SALL3: variants seen among roughly 807,000 people sequenced by gnomAD.
SALL3 encodes the protein sal-like protein 3.
In SALL3, 25 loss-of-function variants were observed where a neutral mutation model predicts 66.2. That is an observed-to-expected ratio of 0.38 (90% confidence interval 0.28 to 0.53). SALL3 has a LOEUF of 0.53. Ranked by LOEUF, SALL3 falls within the 20% of genes least tolerant of loss-of-function variation. SALL3 has a pLI of 0.85. For missense variants in SALL3, 2,194 were observed against 1,916.5 expected (o/e 1.14, Z -2.70); for synonymous variants, 1,152 against 899.1 (o/e 1.28, Z -5.03).
rs886691364 is a variant in SALL3 at position 78,992,753 on chromosome 18, C to A, written c.762C>A (p.Ala254=). ...PAAAPSAPGP[A]PSQLPGLAAL... The stretch of plus-strand genomic sequence containing the variant: ...CCGCCCCGAGCGCACCGGGCCCGGC[C>A]CCCAGCCAGCTGCCCGGGCTGGCCG... Residue 254 remains alanine (A), a synonymous_variant, in exon 2 of 3, where the codon GCC becomes GCA. Transcript: ENST00000537592. 26 of 1,141,236 alleles carry A rather than the reference C, an allele frequency of 2.3e-5. No individual in the cohort carries two copies. The African/African-American group carries it at 3.7e-4, about 16-fold the overall frequency. 70.7% of individuals were successfully genotyped at this position (1,141,236 alleles called of 1,614,324 possible).
chr18:78,994,442 C>T lies in SALL3; in HGVS notation c.2451C>T (p.Asp817=). ...DDAELKDAAT[D]PAKPLLSYAG... is the part of the protein sequence containing the mutation. ...CTGAGCTGAAGGACGCGGCCACCGA[C>T]CCGGCCAAGCCACTCCTGTCCTACG... Residue 817 remains aspartate, a synonymous_variant, in exon 2 of 3, where the codon GAC becomes GAT. Transcript: ENST00000537592. The T allele has an allele frequency of 6.2e-7, 1 of 1,612,388 alleles. No individual in the cohort carries two copies. Among genetic ancestry groups the T allele is most frequent in the Non-Finnish European group, 8.5e-7 (1 of 1,179,892 alleles).
At chr18:78,995,577 G>A in intron 2 of SALL3, 115 bp downstream of exon 2, 1 of 1,426,666 alleles carries the variant, frequency 7.0e-7, no homozygotes, top group Non-Finnish European at 9.2e-7. Context: ...TGGCCAGGGG[G>A]GTGAGATGCC....
At position 78,994,985 on chromosome 18, in the gene SALL3, C is replaced by T; in HGVS notation, c.2994C>T (p.Ser998=). ...GCGCGTTGGAAATCCACTACCGCAG[C>T]CATACTAAGGAGCGGCCATTCGTCT... is the stretch of plus-strand genomic sequence containing the variant. The part of the protein sequence containing the change: ...CKSALEIHYR[S]HTKERPFVCA... Residue 998 remains serine (S), a synonymous_variant, in exon 2 of 3, where the codon AGC becomes AGT. Coordinates refer to ENST00000537592, the MANE Select transcript of SALL3 (RefSeq NM_171999.4). 6.2e-7 allele frequency: 1 copy of T among 1,613,860 alleles called. No homozygotes were observed. The highest frequency in any genetic ancestry group is 8.5e-7 in the Non-Finnish European group (1 of 1,180,018).
intron 1 of SALL3, among the ~76,000 whole-genome samples, chr18:78,986,097 C>T (rs1914236906): frequency 6.6e-6 from 1 of 152,210 alleles, no homozygotes; most frequent in African/African-American, 2.4e-5. Context: ...TAACAAACGT[C>T]TTATTATTTG....
intron 1 of SALL3, among the ~76,000 whole-genome samples, chr18:78,986,142 C>A (rs889526939): frequency 5.3e-5 from 8 of 152,196 alleles, no homozygotes; most frequent in Non-Finnish European, 1.2e-4. Flanking sequence ...AAAGCAAATG[C>A]GAGTGCTGTC....
intron 1 of SALL3, among the ~76,000 whole-genome samples, chr18:78,980,985 G>C (rs1235134565): frequency 1.3e-5 from 2 of 152,200 alleles, no homozygotes; most frequent in Non-Finnish European, 2.9e-5. Flanking sequence ...GCCTGGGCCT[G>C]GCCCCTGCTC....
rs753368702 is a variant in SALL3 at position 78,994,786 on chromosome 18, C to T, written c.2795C>T (p.Pro932Leu). Residue 932 changes from proline (P) to leucine (L), a missense_variant, in exon 2 of 3, where the codon CCG becomes CTG. Transcript: ENST00000537592. ...LGAPEEPQEI[P>L]LKTERPDSPA... ...GCCCCGGAGGAGCCCCAGGAAATCC[C>T]GCTCAAGACCGAGAGGCCGGACAGC... 1.3e-6 allele frequency: 2 copies of T among 1,597,288 alleles called. No homozygotes were observed. The highest frequency in any genetic ancestry group is 1.7e-5 in the Admixed American group (1 of 58,722).
At position 78,980,191 on chromosome 18, in the gene SALL3, G is replaced by A; in HGVS notation, c.-84G>A. The A allele has an allele frequency of 1.9e-6, 1 of 522,170 alleles. No individual in the cohort carries two copies. The highest frequency in any genetic ancestry group is 2.4e-6 in the Non-Finnish European group (1 of 410,394). 32.3% of individuals were successfully genotyped at this position (522,170 alleles called of 1,614,324 possible). A position where few individuals can be genotyped will look rare whatever the true frequency, so the allele number is the denominator to read the frequency against. ...CGCCGCCCCGCGCCCCGCGCCGCGC[G>A]CCCGCCAGGCCGCCCCGCGCCGTCC... On this transcript the variant is annotated 5_prime_UTR_variant, in exon 1 of 3. Transcript: ENST00000537592.
At chr18:78,985,122 C>T (rs141538473) in intron 1 of SALL3, 1 of 152,260 alleles carries the variant, frequency 6.6e-6, no homozygotes, top group Admixed American at 6.5e-5. Flanking sequence ...CCTTTGCCTG[C>T]TTTGCCCTGC....
Position 78,994,914 on chromosome 18 carries a change from C to T in SALL3, c.2923C>T (p.Pro975Ser). The change falls in exon 2 of 3, where the codon CCC (proline) becomes TCC (serine). Residue 975 changes from proline to serine, a missense_variant. By Grantham distance (74) the Pro-to-Ser change is moderately conservative (BLOSUM62 -1). Coordinates refer to ENST00000537592, the MANE Select transcript of SALL3 (RefSeq NM_171999.4). ...LFLSRERGKC[P>S]STVCGVCGKP... ...CCTGAGCAGGGAGCGGGGTAAGTGT[C>T]CCAGCACTGTGTGTGGTGTCTGTGG... 2 of 1,613,328 alleles carry T rather than the reference C, an allele frequency of 1.2e-6. No homozygotes were observed. Among genetic ancestry groups the T allele is most frequent in the South Asian group, 2.2e-5 (2 of 91,046 alleles).
rs1480542329 is a variant in SALL3 at position 78,998,905 on chromosome 18, A to G, written c.*1583A>G. The G allele has an allele frequency of 6.6e-6, 1 of 152,210 alleles. No homozygotes were observed. Among genetic ancestry groups the G allele is most frequent in the Non-Finnish European group, 1.5e-5 (1 of 68,060 alleles). 9.4% of individuals were successfully genotyped at this position (152,210 alleles called of 1,614,324 possible). ...CAGCACAAACACGGCGTCGTGAACT[A>G]CCTCATTTTCGTGCGTTGCAAGTGT... On this transcript the variant is annotated 3_prime_UTR_variant, in exon 3 of 3. Coordinates refer to ENST00000537592, the MANE Select transcript of SALL3 (RefSeq NM_171999.4).
chr18:78,993,142 C>T lies in SALL3; in HGVS notation c.1151C>T (p.Ala384Val). ...CCGCTGGTCAGCATCGCGGCCACGG[C>T]CAACGCTCTGGACCCGCTGTCCGCG... ...PNPLVSIAAT[A>V]NALDPLSALM... Residue 384 changes from alanine to valine, a missense_variant, in exon 2 of 3, where the codon GCC becomes GTC. Ala to Val is a moderately conservative substitution (Grantham distance 64). Coordinates refer to ENST00000537592, the MANE Select transcript of SALL3 (RefSeq NM_171999.4). The T allele has an allele frequency of 6.2e-7, 1 of 1,606,160 alleles. No homozygotes were observed.
At chr18:78,982,186 G>A (rs1914095079) in intron 1 of SALL3, among the ~76,000 whole-genome samples, 1 of 152,220 alleles carries the variant, frequency 6.6e-6, no homozygotes, top group Non-Finnish European at 1.5e-5. Flanking sequence ...TAAACGTGTG[G>A]AGGGCTATAT....
chr18:78,994,428 G>A lies in SALL3; in HGVS notation c.2437G>A (p.Asp813Asn). The A allele has an allele frequency of 3.1e-6, 5 of 1,612,548 alleles. No individual in the cohort carries two copies. Among genetic ancestry groups the A allele is most frequent in the Non-Finnish European group, 3.4e-6 (4 of 1,179,928 alleles). The change falls in exon 2 of 3, where the codon GAC becomes AAC. Residue 813 changes from aspartate (D) to asparagine (N), a missense_variant. Physicochemically the swap from Asp to Asn is conservative, Grantham distance 23 (BLOSUM62 1). Coordinates refer to ENST00000537592, the MANE Select transcript of SALL3 (RefSeq NM_171999.4). ...NSMEDDAELK[D>N]AATDPAKPLL... is the part of the protein sequence containing the mutation. The stretch of plus-strand genomic sequence containing the variant: ...CATGGAGGACGACGCTGAGCTGAAG[G>A]ACGCGGCCACCGACCCGGCCAAGCC...
At position 78,992,519 on chromosome 18, in the gene SALL3, G is replaced by T; in HGVS notation, c.528G>T (p.Val176=). The T allele has an allele frequency of 6.7e-7, 1 of 1,486,374 alleles. No individual in the cohort carries two copies. Among genetic ancestry groups the T allele is most frequent in the Middle Eastern group, 2.2e-4 (1 of 4,456 alleles). 92.1% of individuals were successfully genotyped at this position (1,486,374 alleles called of 1,614,324 possible). The change falls in exon 2 of 3, where the codon GTG becomes GTT. Residue 176 remains valine, a synonymous_variant. Transcript: ENST00000537592. The part of the protein sequence containing the change: ...VTLEALLSTK[V]AVAQFSQGAR... ...TGGAGGCGCTGCTGAGCACCAAGGTGGCGGTGGCGCAGTTCTCGCAGGGCG... is the reference window on the plus strand; with the variant it reads ...TGGAGGCGCTGCTGAGCACCAAGGTTGCGGTGGCGCAGTTCTCGCAGGGCG...
At chr18:78,987,404 T>A (rs1455373987) in intron 1 of SALL3, among the ~76,000 whole-genome samples, 1 of 152,202 alleles carries the variant, frequency 6.6e-6, no homozygotes, top group Non-Finnish European at 1.5e-5. Flanking sequence ...ATATTTTTTT[T>A]AACTATCGTC....
chr18:78,987,384 G>A (rs1478857524), intron 1 of SALL3, among the ~76,000 whole-genome samples: 1 of 152,114 alleles, frequency 6.6e-6, no homozygotes, highest in East Asian at 1.9e-4. Flanking sequence ...TAGTTAGAAG[G>A]GGAAAATACA....
chr18:78,981,169 G>C (rs1914053797), intron 1 of SALL3, among the ~76,000 whole-genome samples: 1 of 152,236 alleles, frequency 6.6e-6, no homozygotes, highest in Non-Finnish European at 1.5e-5. Context: ...AAAGTTAAGA[G>C]ACTGGCAAAG....
chr18:78,994,217 C>T lies in SALL3; in HGVS notation c.2226C>T (p.Pro742=), dbSNP rs749742222. The T allele has an allele frequency of 8.7e-6, 14 of 1,613,550 alleles. No homozygotes were observed. Among genetic ancestry groups the T allele is most frequent in the South Asian group, 7.7e-5 (7 of 91,088 alleles). The change falls in exon 2 of 3, where the codon CCC becomes CCT. Residue 742 remains proline (P), a synonymous_variant. Transcript: ENST00000537592. ...KPPLRVQHSC[P]ICQKKFTNAV... ...CCCTGCGCGTGCAGCACTCCTGCCCCATCTGCCAGAAGAAGTTCACCAACG... is the reference window on the plus strand; with the variant it reads ...CCCTGCGCGTGCAGCACTCCTGCCCTATCTGCCAGAAGAAGTTCACCAACG...
Sources: allele counts gnomAD v4.1 joint callset (sites outside exome capture counted in the v4.1 genomes callset), GRCh38; gene constraint gnomAD v4.1.1; transcripts MANE v1.5; gene names NCBI Gene and HGNC (gene_info 2026-07-23, HGNC 2026-07-21).